The following ATM variants were observed in gnomAD, a reference collection of about 807,000 sequenced individuals.
The protein encoded by ATM is ATM serine/threonine kinase.
Under a neutral mutation model 387.0 loss-of-function variants are expected in ATM, and 308 were observed. The observed-to-expected ratio is 0.80, with a 90% confidence interval of 0.73 to 0.87. ATM has a LOEUF of 0.87. Among genes scored for constraint, ATM ranks in the 40% least tolerant of loss-of-function variants. The probability of loss-of-function intolerance (pLI) is 0.00; values close to 1 mark genes in which losing one functional copy is unlikely to be tolerated. For missense variants in ATM, 3,312 were observed against 3,560.9 expected (o/e 0.93, Z 1.78); for synonymous variants, 1,156 against 1,187.3 (o/e 0.97, Z 0.54).
At chr11:108,357,378 G>A (rs987192266) in intron 61 of ATM, among the ~76,000 whole-genome samples, 3 of 152,228 alleles carry the variant, frequency 2.0e-5, no homozygotes, top group Non-Finnish European at 4.4e-5. Context: ...AGGGGCGCCC[G>A]CCATTGCCCA....
intron 59 of ATM, 90 bp downstream of exon 59, chr11:108,347,455 A>T: frequency 9.1e-7 from 1 of 1,098,750 alleles, no homozygotes; most frequent in Non-Finnish European, 1.4e-6. Flanking sequence ...TACAAATATA[A>T]GAGACAGATA....
intron 61 of ATM, among the ~76,000 whole-genome samples, chr11:108,362,941 A>G (rs2090953919): frequency 6.6e-6 from 1 of 152,098 alleles, no homozygotes; most frequent in South Asian, 2.1e-4. Context: ...CTAAAACATA[A>G]AAGTATAATT....
intron 56 of ATM, among the ~76,000 whole-genome samples, chr11:108,342,200 A>G (rs1470349689): frequency 6.6e-6 from 1 of 152,132 alleles, no homozygotes; most frequent in Non-Finnish European, 1.5e-5. Flanking sequence ...AAGATTGGAC[A>G]CCCCTGCCTA....
chr11:108,304,536 T>C (rs1189843936), intron 36 of ATM, 139 bp from the exon 37 acceptor site: 1 of 872,720 alleles, frequency 1.1e-6, no homozygotes, highest in Non-Finnish European at 1.8e-6. Flanking sequence ...TTTTTAGCAG[T>C]ATGTTGAGTT....
rs75305387 is a variant in ATM at position 108,335,936 on chromosome 11, G to C, written c.8243G>C (p.Arg2748Thr). 6.2e-7 allele frequency: 1 copy of C among 1,612,890 alleles called. No individual in the cohort carries two copies. Among genetic ancestry groups the C allele is most frequent in the Non-Finnish European group, 8.5e-7 (1 of 1,178,954 alleles). Residue 2748 changes from arginine to threonine, a missense_variant, in exon 56 of 63, where the codon AGG becomes ACG. By Grantham distance (71) the Arg-to-Thr change is moderately conservative (BLOSUM62 -1). Transcript: ENST00000675843. ...LLQRNTETRK[R>T]KLTICTYKVV... ...CAGAGAAACACGGAAACTAGGAAGA[G>C]GAAATTAACTATCTGTACTTATAAG...
rs559398743 is a variant in ATM, at chr11:108,303,377, GA to G, written c.5496+353del. ...TTCCCTGATATGCTTTCTTGAATAA[GA>G]AAAAGGAGTGGGGCAGCAATCAGCA... is the stretch of plus-strand genomic sequence containing the variant. On this transcript the variant is annotated intron_variant, in intron 36 of 62. Transcript: ENST00000675843. Among the ~76,000 whole-genome samples, 119 of 152,126 alleles carry G rather than the reference GA, an allele frequency of 7.8e-4. 1 individual carries two copies. The highest frequency in any genetic ancestry group is 2.6e-3 in the African/African-American group (107 of 41,534).
At chr11:108,345,364 G>T (rs1284556704) in intron 57 of ATM, among the ~76,000 whole-genome samples, 1 of 152,144 alleles carries the variant, frequency 6.6e-6, no homozygotes, top group East Asian at 1.9e-4. Flanking sequence ...ATCTATGAGG[G>T]ATTCTTCTGT....
intron 29 of ATM, among the ~76,000 whole-genome samples, chr11:108,291,805 T>C (rs2082811675): frequency 6.6e-6 from 1 of 152,214 alleles, no homozygotes; most frequent in Non-Finnish European, 1.5e-5. Flanking sequence ...CTTGCATTGC[T>C]TGGGATCAGC....
chr11:108,233,125 C>T (rs1345115606), intron 4 of ATM, among the ~76,000 whole-genome samples: 1 of 152,166 alleles, frequency 6.6e-6, no homozygotes, highest in Non-Finnish European at 1.5e-5. Context: ...TCATCCCAAA[C>T]TGCTGGGTTT....
intron 31 of ATM, 150 bp from the exon 32 acceptor site, chr11:108,294,777 A>G: frequency 1.2e-6 from 1 of 815,916 alleles, no homozygotes; most frequent in Non-Finnish European, 2.0e-6. Flanking sequence ...TTGCAGTGGA[A>G]GAAATCATTT....
At chr11:108,288,687 C>A (rs936218529) in intron 27 of ATM, among the ~76,000 whole-genome samples, 7 of 151,906 alleles carry the variant, frequency 4.6e-5, no homozygotes, top group African/African-American at 1.7e-4. Flanking sequence ...AATACTGAGG[C>A]TCATTTATTG....
At chr11:108,302,816 TTC>T (rs1185688062) in intron 35 of ATM, 35 bp from the exon 36 acceptor site, 1 of 1,559,224 alleles carries the variant, frequency 6.4e-7, no homozygotes, top group African/African-American at 1.4e-5. Context: ...TGATTTCCAC[TTC>T]TCTTATTTAC....
chr11:108,342,804 TTACAC>T (rs1447026086), intron 56 of ATM, among the ~76,000 whole-genome samples: 1 of 152,178 alleles, frequency 6.6e-6, no homozygotes, highest in Non-Finnish European at 1.5e-5. Flanking sequence ...AATAATGAAG[TTACAC>T]TAAAATTGAG....
intron 5 of ATM, among the ~76,000 whole-genome samples, chr11:108,240,533 A>G (rs987760541): frequency 2.0e-5 from 3 of 152,228 alleles, no homozygotes; most frequent in South Asian, 2.1e-4. Context: ...GCTATATGGT[A>G]TTACTGCTCC....
At chr11:108,255,591 A>C (rs1018532133) in intron 13 of ATM, among the ~76,000 whole-genome samples, 3 of 151,788 alleles carry the variant, frequency 2.0e-5, no homozygotes, top group Non-Finnish European at 4.4e-5. Flanking sequence ...ACGCCCTGCT[A>C]ATATTTGTAT....
intron 39 of ATM, among the ~76,000 whole-genome samples, chr11:108,311,806 T>C (rs987398786): frequency 6.6e-6 from 1 of 152,232 alleles, no homozygotes; most frequent in African/African-American, 2.4e-5. Context: ...ATTACTGTTA[T>C]AGACACCACA....
intron 60 of ATM, 132 bp from the exon 61 acceptor site, chr11:108,354,679 C>G: frequency 1.2e-6 from 1 of 833,198 alleles, no homozygotes; most frequent in South Asian, 1.4e-5. Flanking sequence ...AAGTATTATG[C>G]TATTTTGAGA....
intron 29 of ATM, among the ~76,000 whole-genome samples, chr11:108,291,945 C>T (rs1374339694): frequency 6.6e-6 from 1 of 152,116 alleles, no homozygotes; most frequent in South Asian, 2.1e-4. Context: ...CAAAGAAATA[C>T]GCTCCCCAGC....
intron 4 of ATM, chr11:108,229,525 G>A (rs1033950971): frequency 3.3e-5 from 17 of 521,478 alleles, no homozygotes; most frequent in Non-Finnish European, 5.0e-5. Context: ...AAGTGAAGCA[G>A]TGGGAGTTTA....
Sources: allele counts gnomAD v4.1 joint callset (sites outside exome capture counted in the v4.1 genomes callset), GRCh38; gene constraint gnomAD v4.1.1; transcripts MANE v1.5; gene names NCBI Gene and HGNC (gene_info 2026-07-23, HGNC 2026-07-21).